Variants in GUCY2F observed in about 807,000 individuals in gnomAD.
GUCY2F encodes retinal guanylyl cyclase 2.
A neutral mutation model predicts 73.1 loss-of-function variants in GUCY2F; 61 were observed. That is an observed-to-expected ratio of 0.83 (90% CI 0.68 to 1.03). The LOEUF is 1.03. Ranked by LOEUF, GUCY2F falls within the 50% of genes least tolerant of loss-of-function variation. The pLI is 0.00. For missense variants in GUCY2F, 912 were observed against 854.3 expected, an observed-to-expected ratio of 1.07 and a Z score of -0.84; for synonymous variants, 331 against 307.8, an observed-to-expected ratio of 1.08 and a Z score of -0.79.
At chrX:109,442,585 A>G (rs150322127) in intron 6 of GUCY2F, among the ~76,000 whole-genome samples, 1,314 of 111,186 alleles carry the variant, frequency 0.012, 21 homozygotes, top group African/African-American at 0.04. Context: ...TTGATCAACT[A>G]AAGATTACAC....
chrX:109,445,335 A>ATT (rs1179622948), intron 6 of GUCY2F, among the ~76,000 whole-genome samples: 1 of 112,222 alleles, frequency 8.9e-6, no homozygotes, highest in East Asian at 2.8e-4. Context: ...TAAAAAATAT[A>ATT]TTGTTGCCCT....
At chrX:109,469,030 G>T (rs1294607307) in intron 2 of GUCY2F, among the ~76,000 whole-genome samples, 1 of 111,794 alleles carries the variant, frequency 8.9e-6, no homozygotes, top group Non-Finnish European at 1.9e-5. Flanking sequence ...TGGGTCAACA[G>T]GTGGTCACTG....
intron 8 of GUCY2F, among the ~76,000 whole-genome samples, chrX:109,426,265 GT>G (rs1931483517): frequency 8.9e-6 from 1 of 112,488 alleles, no homozygotes; most frequent in Non-Finnish European, 1.9e-5. Flanking sequence ...GGGCTTGTGA[GT>G]TTGGAGAAAG....
In GUCY2F at chrX:109,385,289, A is replaced by G. The variant is rs371132776; in HGVS notation, c.2957-7T>C. 3.8e-6 allele frequency: 4 copies of G among 1,053,487 alleles called. No homozygotes were observed. The highest frequency in any genetic ancestry group is 5.3e-6 in the Non-Finnish European group (4 of 759,472). 86.8% of individuals were successfully genotyped at this position (1,053,487 alleles called of 1,213,427 possible). A position where few individuals can be genotyped will look rare whatever the true frequency, so the allele number is the denominator to read the frequency against. Reference sequence around the variant, plus strand: ...ACTCCAGCAACAACCGGCCCTATAGAGTATCAGGGGGTTGGAATTACAGTC... The same window carrying G: ...ACTCCAGCAACAACCGGCCCTATAGGGTATCAGGGGGTTGGAATTACAGTC... On this transcript the variant is annotated splice_polypyrimidine_tract_variant and splice_region_variant and intron_variant, in intron 15 of 19. Coordinates refer to ENST00000218006, the MANE Select transcript of GUCY2F (RefSeq NM_001522.3).
At chrX:109,381,739 T>A (rs1288324971) in intron 17 of GUCY2F, among the ~76,000 whole-genome samples, 2 of 111,792 alleles carry the variant, frequency 1.8e-5, no homozygotes, top group Non-Finnish European at 1.9e-5. Context: ...AAATCCAAAC[T>A]CACAATTACT....
chrX:109,451,083 G>T (rs1224932696), intron 5 of GUCY2F, among the ~76,000 whole-genome samples: 1 of 111,934 alleles, frequency 8.9e-6, no homozygotes, highest in East Asian at 2.8e-4. Flanking sequence ...AGGTGACAAT[G>T]ATGTGGTTTG....
chrX:109,481,042 AGAAGGAAGGAAGGAAG>A lies in GUCY2F; in HGVS notation c.-86+808_-86+823del, dbSNP rs773258991. ...GGGGAGGGAGGAATGAAGGGAGAGA[AGAAGGAAGGAAGGAAG>A]GAAGGAAGGAAGGAAGGAAGGAAGG... On this transcript the variant is annotated intron_variant, in intron 1 of 19. Transcript: ENST00000218006. 2.8e-3 allele frequency among the ~76,000 whole-genome samples: 113 copies of A among 40,197 alleles called. 1 individual carries two copies. Among genetic ancestry groups the A allele is most frequent in the African/African-American group, 0.01 (85 of 8,293 alleles). 34.9% of individuals were successfully genotyped at this position (40,197 alleles called of 115,157 possible).
chrX:109,463,670 C>G (rs1349509370), intron 3 of GUCY2F, among the ~76,000 whole-genome samples: 2 of 110,960 alleles, frequency 1.8e-5, no homozygotes, highest in Non-Finnish European at 3.8e-5. Context: ...ATCTCCTGAC[C>G]TCGTGATCCA....
intron 7 of GUCY2F, among the ~76,000 whole-genome samples, chrX:109,436,791 G>C (rs762856229): frequency 2.8e-5 from 3 of 108,525 alleles, no homozygotes; most frequent in African/African-American, 6.7e-5. Context: ...GTTGTGGGGT[G>C]GGGGGAGTGG....
intron 11 of GUCY2F, 109 bp downstream of exon 11, chrX:109,398,440 A>C (rs1930760081): frequency 1.4e-6 from 1 of 692,298 alleles, no homozygotes. Context: ...CTTGCAGACT[A>C]TCAGGCTGTT....
intron 16 of GUCY2F, among the ~76,000 whole-genome samples, chrX:109,382,847 A>G (rs762509832): frequency 8.9e-6 from 1 of 111,949 alleles, no homozygotes; most frequent in African/African-American, 3.2e-5. Context: ...TACATAGGGA[A>G]CTGCCACGTT....
At chrX:109,457,199 A>C (rs1932276974) in intron 3 of GUCY2F, among the ~76,000 whole-genome samples, 1 of 112,135 alleles carries the variant, frequency 8.9e-6, no homozygotes, top group South Asian at 3.7e-4. Context: ...GAGGCTTTTA[A>C]AGTTTTTATC....
intron 6 of GUCY2F, among the ~76,000 whole-genome samples, chrX:109,443,311 T>C (rs1157479903): frequency 1.8e-5 from 2 of 111,772 alleles, no homozygotes; most frequent in African/African-American, 6.5e-5. Context: ...ACAATTTATT[T>C]TTTTTTATTT....
chrX:109,460,421 A>G (rs763155956), intron 3 of GUCY2F, among the ~76,000 whole-genome samples: 2 of 111,942 alleles, frequency 1.8e-5, no homozygotes, highest in East Asian at 2.8e-4. Flanking sequence ...AATAAGAATG[A>G]CATTGGTGTT....
chrX:109,409,124 G>GA lies in GUCY2F; in HGVS notation c.1835dup (p.Phe613LeufsTer3). 8.8e-7 allele frequency: 1 copy of GA among 1,130,351 alleles called. No individual in the cohort carries two copies. Among genetic ancestry groups the GA allele is most frequent in the Non-Finnish European group, 1.2e-6 (1 of 821,482 alleles). 93.2% of individuals were successfully genotyped at this position (1,130,351 alleles called of 1,213,427 possible). ...TGGCAAACATCCCCGAATCATAGAA[G>GA]AAACCCAATAAAGGGTTAATATTCT... is the stretch of plus-strand genomic sequence containing the variant. On this transcript the variant is annotated frameshift_variant, in exon 9 of 20. Coordinates refer to ENST00000218006, the MANE Select transcript of GUCY2F (RefSeq NM_001522.3). LOFTEE classifies it high-confidence loss of function.
chrX:109,411,995 C>T (rs1313374330), intron 8 of GUCY2F, among the ~76,000 whole-genome samples: 2 of 111,899 alleles, frequency 1.8e-5, no homozygotes, highest in Non-Finnish European at 3.8e-5. Flanking sequence ...GAGAAAAATG[C>T]CTGCCAGAAA....
At chrX:109,414,516 T>G (rs1187601049) in intron 8 of GUCY2F, among the ~76,000 whole-genome samples, 1 of 111,988 alleles carries the variant, frequency 8.9e-6, no homozygotes, top group African/African-American at 3.2e-5. Flanking sequence ...AAAAACTTTT[T>G]AGTACCTATT....
rs758943654 is a variant in GUCY2F, at chrX:109,418,440, TA to T, written c.1792-9273del. ...CAAAGTTTTTGATAAATTTCAAGAT[TA>T]AATTTGCAGATAATATTCTTTGACC... On this transcript the variant is annotated intron_variant, in intron 8 of 19. Transcript: ENST00000218006. Among the ~76,000 whole-genome samples, 752 of 112,047 alleles carry T rather than the reference TA, an allele frequency of 6.7e-3. 10 individuals carry two copies. Among genetic ancestry groups the T allele is most frequent in the African/African-American group, 0.023 (717 of 31,095 alleles).
Position 109,453,879 on chromosome X carries a change from T to A in GUCY2F, c.1033-20A>T. 1 of 978,694 alleles carries A rather than the reference T, an allele frequency of 1.0e-6. No homozygotes were observed. Among genetic ancestry groups the A allele is most frequent in the Non-Finnish European group, 1.4e-6 (1 of 707,839 alleles). 80.7% of individuals were successfully genotyped at this position (978,694 alleles called of 1,213,427 possible). On this transcript the variant is annotated intron_variant, in intron 3 of 19. Coordinates refer to ENST00000218006, the MANE Select transcript of GUCY2F (RefSeq NM_001522.3). The stretch of plus-strand genomic sequence containing the variant: ...TGAAACCTATTTTTAAAAATTACAA[T>A]TATCTTGAGCCCTGGTCGCCCTAGA...
Sources: gnomAD v4.1 joint callset for allele counts (sites outside exome capture counted in the v4.1 genomes callset) on GRCh38, gnomAD v4.1.1 for gene constraint, MANE v1.5 for transcripts, NCBI Gene and HGNC (gene_info 2026-07-23, HGNC 2026-07-21) for gene names.